The following BCAR3 variants were observed in gnomAD, a reference collection of about 807,000 sequenced individuals.
The protein encoded by BCAR3 is breast cancer anti-estrogen resistance protein 3.
In BCAR3, 37 loss-of-function variants were observed where a neutral mutation model predicts 80.1. That is an observed-to-expected ratio of 0.46 (90% CI 0.36 to 0.61). The LOEUF is 0.61. Among genes scored for constraint, BCAR3 ranks in the 20% least tolerant of loss-of-function variants. The pLI, the probability that BCAR3 is intolerant of heterozygous loss-of-function variation, is 0.00. For missense variants in BCAR3, 978 were observed against 1,068.2 expected (o/e 0.92, Z 1.18); for synonymous variants, 389 against 418.9 (o/e 0.93, Z 0.87).
At chr1:93,603,124 T>C (rs946779336) in intron 3 of BCAR3, among the ~76,000 whole-genome samples, 2 of 152,260 alleles carry the variant, frequency 1.3e-5, no homozygotes, top group African/African-American at 4.8e-5. Context: ...GCCAAAGCAT[T>C]TACTTAAATA....
At chr1:93,564,696 A>G (rs896268264) in intron 11 of BCAR3, among the ~76,000 whole-genome samples, 1 of 152,232 alleles carries the variant, frequency 6.6e-6, no homozygotes, top group Non-Finnish European at 1.5e-5. Flanking sequence ...TGTGTATGGT[A>G]TGAGGTAAGG....
intron 2 of BCAR3, among the ~76,000 whole-genome samples, chr1:93,830,334 G>A (rs1027773774): frequency 4.6e-5 from 7 of 152,134 alleles, no homozygotes; most frequent in South Asian, 2.1e-4. Context: ...GGTGGCACAC[G>A]TCTGTCAGGA....
intron 3 of BCAR3, among the ~76,000 whole-genome samples, chr1:93,693,338 C>A (rs111702530): frequency 0.013 from 1,995 of 152,348 alleles, 17 homozygotes; most frequent in Non-Finnish European, 0.019. Flanking sequence ...GAGAGGCAAA[C>A]TTCTCAGTTG....
intron 2 of BCAR3, among the ~76,000 whole-genome samples, chr1:93,722,106 C>T (rs978123928): frequency 6.6e-6 from 1 of 152,192 alleles, no homozygotes; most frequent in Non-Finnish European, 1.5e-5. Flanking sequence ...ACAGTCTCGG[C>T]CAGGTCCCAT....
At chr1:93,609,797 C>T (rs752552365) in intron 3 of BCAR3, among the ~76,000 whole-genome samples, 3 of 152,194 alleles carry the variant, frequency 2.0e-5, no homozygotes, top group Non-Finnish European at 2.9e-5. Context: ...ACACTTTGTG[C>T]GTGCTCCTCT....
At chr1:93,765,459 T>C (rs1021987463) in intron 2 of BCAR3, among the ~76,000 whole-genome samples, 3 of 152,188 alleles carry the variant, frequency 2.0e-5, no homozygotes, top group African/African-American at 7.2e-5. Flanking sequence ...TTCTTTAAAC[T>C]ACTCTACTGA....
chr1:93,733,121 G>A (rs1421908366), intron 2 of BCAR3, among the ~76,000 whole-genome samples: 6 of 152,056 alleles, frequency 3.9e-5, no homozygotes, highest in Non-Finnish European at 4.4e-5. Context: ...TCTGGGTCTC[G>A]GCTGCTTTCT....
At chr1:93,613,812 T>C (rs1315880516) in intron 3 of BCAR3, 65 of 1,547,306 alleles carry the variant, frequency 4.2e-5, no homozygotes, top group South Asian at 1.3e-4. Context: ...CCCCAAAAGA[T>C]TGACAGATGT....
intron 2 of BCAR3, among the ~76,000 whole-genome samples, chr1:93,726,839 A>G (rs1441438075): frequency 6.6e-6 from 1 of 152,198 alleles, no homozygotes; most frequent in South Asian, 2.1e-4. Flanking sequence ...GGTGACTACA[A>G]TTAATTTTTG....
chr1:93,572,893 A>C (rs1175073295), intron 8 of BCAR3, among the ~76,000 whole-genome samples: 1 of 152,212 alleles, frequency 6.6e-6, no homozygotes, highest in Non-Finnish European at 1.5e-5. Context: ...AAAGGGCAGC[A>C]GGGATTCATT....
intron 2 of BCAR3, among the ~76,000 whole-genome samples, chr1:93,649,266 C>T (rs1480621643): frequency 6.6e-6 from 1 of 152,142 alleles, no homozygotes; most frequent in African/African-American, 2.4e-5. Flanking sequence ...ATCTTGAGTG[C>T]TGGGTCTGCA....
At chr1:93,779,511 T>C (rs936031576) in intron 2 of BCAR3, among the ~76,000 whole-genome samples, 2 of 151,928 alleles carry the variant, frequency 1.3e-5, no homozygotes, top group African/African-American at 4.8e-5. Flanking sequence ...GAGTGATGAG[T>C]AGGGCTATTT....
chr1:93,694,683 AG>A (rs1388947662), intron 3 of BCAR3, among the ~76,000 whole-genome samples: 4 of 152,214 alleles, frequency 2.6e-5, no homozygotes, highest in African/African-American at 9.6e-5. Context: ...CCTGTCCCAG[AG>A]GTCTGAATTG....
chr1:93,610,257 C>A (rs1383570904), intron 3 of BCAR3, among the ~76,000 whole-genome samples: 1 of 152,228 alleles, frequency 6.6e-6, no homozygotes, highest in East Asian at 1.9e-4. Context: ...TCTGTGACTT[C>A]TCTGACCATG....
intron 2 of BCAR3, among the ~76,000 whole-genome samples, chr1:93,656,314 T>C (rs1444837039): frequency 6.6e-6 from 1 of 152,160 alleles, no homozygotes. Context: ...TTCCTTCTCC[T>C]TCAGTGTCTC....
intron 2 of BCAR3, among the ~76,000 whole-genome samples, chr1:93,727,623 A>C (rs139844792): frequency 6.6e-6 from 1 of 152,326 alleles, no homozygotes; most frequent in African/African-American, 2.4e-5. Context: ...TCAAACCATC[A>C]ACTCTAAAAA....
At chr1:93,700,875 G>A (rs192862362) in intron 3 of BCAR3, among the ~76,000 whole-genome samples, 1 of 152,350 alleles carries the variant, frequency 6.6e-6, no homozygotes, top group South Asian at 2.1e-4. Flanking sequence ...GAGCTACTGC[G>A]GAGGGTAGGC....
rs555153161 is a variant in BCAR3, at chr1:93,748,127, T to C, written c.-62-41985A>G. On this transcript the variant is annotated intron_variant, in intron 2 of 13. Transcript: ENST00000370244. ...ATTCATTCATTTATTTATTCAACAC[T>C]TCTTTAGTGAATGCCCACTCAATAT... is the stretch of plus-strand genomic sequence containing the variant. Among the ~76,000 whole-genome samples, 16 of 152,318 alleles carry C rather than the reference T, an allele frequency of 1.1e-4. 1 individual carries two copies. The highest frequency in any genetic ancestry group is 4.1e-4 in the South Asian group (2 of 4,826).
intron 2 of BCAR3, among the ~76,000 whole-genome samples, chr1:93,828,336 G>T (rs1161585381): frequency 6.6e-6 from 1 of 152,102 alleles, no homozygotes; most frequent in Admixed American, 6.5e-5. Flanking sequence ...TCTTCCCCAA[G>T]GCAAGTCATA....
Sources: allele counts gnomAD v4.1 joint callset (sites outside exome capture counted in the v4.1 genomes callset), GRCh38; gene constraint gnomAD v4.1.1; transcripts MANE v1.5; gene names NCBI Gene and HGNC (gene_info 2026-07-23, HGNC 2026-07-21).